The following SAMD3 variants were observed in gnomAD, a reference collection of about 807,000 sequenced individuals.
SAMD3 encodes sterile alpha motif domain-containing protein 3.
SAMD3 carries 63 observed loss-of-function variants against 58.5 expected under a neutral mutation model. The ratio of observed to expected loss-of-function variants is 1.08; its 90% confidence interval spans 0.88 to 1.33. The LOEUF (loss-of-function observed/expected upper bound fraction) is 1.33. Ranked by LOEUF, SAMD3 falls within the 40% of genes most tolerant of loss-of-function variation. The pLI is 0.00. For missense variants in SAMD3, 604 were observed against 608.4 expected (o/e 0.99, Z 0.08); for synonymous variants, 220 against 210.3 (o/e 1.05, Z -0.40).
chr6:130,354,577 A>G (rs1362706437), intron 1 of SAMD3, among the ~76,000 whole-genome samples: 1 of 152,198 alleles, frequency 6.6e-6, no homozygotes, highest in African/African-American at 2.4e-5. Context: ...GTAGTAACAG[A>G]AAACCAAATA....
At chr6:130,357,913 T>G (rs1335959201) in intron 1 of SAMD3, among the ~76,000 whole-genome samples, 2 of 152,184 alleles carry the variant, frequency 1.3e-5, no homozygotes, top group Non-Finnish European at 2.9e-5. Context: ...AATGAGGACA[T>G]TAACAGGAAG....
At chr6:130,187,531 ACCTAAT>A (rs1793118157) in intron 5 of SAMD3, among the ~76,000 whole-genome samples, 1 of 152,200 alleles carries the variant, frequency 6.6e-6, no homozygotes, top group Non-Finnish European at 1.5e-5. Context: ...AACCCATGCC[ACCTAAT>A]ACCAGTCAAA....
intron 2 of SAMD3, among the ~76,000 whole-genome samples, chr6:130,256,128 C>A: frequency 6.6e-6 from 1 of 150,416 alleles, no homozygotes. Flanking sequence ...ATCATGAGAA[C>A]AAGCAAAAGC....
chr6:130,302,457 G>A (rs2876095), intron 2 of SAMD3, among the ~76,000 whole-genome samples: 25,667 of 152,130 alleles, frequency 0.17, 2,425 homozygotes, highest in East Asian at 0.36. Flanking sequence ...GAAGAAAAGA[G>A]AACACTTACA....
At chr6:130,320,824 C>T (rs1050727107) in intron 1 of SAMD3, among the ~76,000 whole-genome samples, 1 of 152,216 alleles carries the variant, frequency 6.6e-6, no homozygotes, top group Non-Finnish European at 1.5e-5. Context: ...AGGTCCATGT[C>T]TACCTTCCAG....
chr6:130,326,533 A>G (rs1160901799), intron 1 of SAMD3, among the ~76,000 whole-genome samples: 2 of 152,062 alleles, frequency 1.3e-5, no homozygotes, highest in Admixed American at 1.3e-4. Flanking sequence ...ATCACATTCT[A>G]TTTTACTGTT....
At chr6:130,221,222 C>T (rs1371031599) in intron 1 of SAMD3, among the ~76,000 whole-genome samples, 1 of 152,080 alleles carries the variant, frequency 6.6e-6, no homozygotes, top group Non-Finnish European at 1.5e-5. Context: ...GATAATGCCT[C>T]ATAACACCTA....
chr6:130,165,091 TAAAC>T (rs1790610250), intron 8 of SAMD3, among the ~76,000 whole-genome samples: 1 of 152,094 alleles, frequency 6.6e-6, no homozygotes, highest in Admixed American at 6.5e-5. Context: ...AGAAAGATGA[TAAAC>T]AAGGAACTAA....
In SAMD3 at chr6:130,310,173, G is replaced by T. The variant is rs938485046; in HGVS notation, c.-188+2805C>A. ...CTGGCATGCCTATCCATTTGAAACA[G>T]AATCCGTTTCAACTGTTTCAAAGAA... On this transcript the variant is annotated intron_variant, in intron 2 of 13. Coordinates refer to the SAMD3 transcript ENST00000368134. Among the ~76,000 whole-genome samples, 5 of 152,260 alleles carry T rather than the reference G, an allele frequency of 3.3e-5. No individual in the cohort carries two copies. The East Asian group carries it at 9.6e-4, about 29-fold the overall frequency.
rs537995361 is a variant in SAMD3, at chr6:130,284,069, T to C, written c.-188+28909A>G. Among the ~76,000 whole-genome samples the C allele has an allele frequency of 1.4e-4, 22 of 152,336 alleles. No individual in the cohort carries two copies. The South Asian group carries it at 4.1e-3, about 29-fold the overall frequency. ...GGTTTTACCATGTTGGCCAGGCTGG[T>C]CTTGAACTCCTGACTTCAAGTGATT... On this transcript the variant is annotated intron_variant, in intron 2 of 13. Coordinates refer to the SAMD3 transcript ENST00000368134.
chr6:130,227,582 G>A (rs1370046973), upstream of SAMD3, among the ~76,000 whole-genome samples: 13 of 152,254 alleles, frequency 8.5e-5, no homozygotes, highest in East Asian at 1.9e-4. Context: ...GAGGCCAGGA[G>A]TTCAAGGCCA....
chr6:130,162,063 T>A, intron 8 of SAMD3: 2 of 510,182 alleles, frequency 3.9e-6, no homozygotes, highest in Non-Finnish European at 6.9e-6. Flanking sequence ...ATGTGTGACT[T>A]TAGAGGAATC....
At chr6:130,179,940 G>T (rs911085085) in intron 7 of SAMD3, among the ~76,000 whole-genome samples, 1 of 150,820 alleles carries the variant, frequency 6.6e-6, no homozygotes, top group Non-Finnish European at 1.5e-5. Flanking sequence ...TCAGCCTCCC[G>T]TGTAGCTGGG....
chr6:130,346,325 A>G (rs1468589312), intron 1 of SAMD3, among the ~76,000 whole-genome samples: 1 of 152,180 alleles, frequency 6.6e-6, no homozygotes, highest in African/African-American at 2.4e-5. Flanking sequence ...TTCCTAGTCA[A>G]AGAAAAGGGT....
chr6:130,192,811 G>A (rs997978134), intron 5 of SAMD3, among the ~76,000 whole-genome samples: 6 of 152,106 alleles, frequency 3.9e-5, no homozygotes, highest in African/African-American at 1.4e-4. Context: ...ACGACCTCAG[G>A]TCTTCAGACC....
intron 1 of SAMD3, among the ~76,000 whole-genome samples, chr6:130,349,705 C>T (rs1777591857): frequency 6.6e-6 from 1 of 152,200 alleles, no homozygotes; most frequent in South Asian, 2.1e-4. Context: ...AGGGAATCCT[C>T]CCTAACTCAT....
intron 2 of SAMD3, chr6:130,215,799 C>A: frequency 6.5e-7 from 1 of 1,534,460 alleles, no homozygotes; most frequent in Non-Finnish European, 8.7e-7. Context: ...TGGTTAACCC[C>A]TTGCTTCTCC....
In SAMD3 at chr6:130,215,664, C is replaced by A. The variant is rs996165869; in HGVS notation, c.-21-370G>T. ...AAAGAAAAGAAAGGTGTGAAATTCA[C>A]CACTACCAGGCTCCTCAGGAAGTGG... On this transcript the variant is annotated intron_variant, in intron 2 of 11. Transcript: ENST00000439090. 4.3e-6 allele frequency: 6 copies of A among 1,406,852 alleles called. No homozygotes were observed. In the East Asian group the frequency reaches 1.5e-4, roughly 36 times the overall value. 87.1% of individuals were successfully genotyped at this position (1,406,852 alleles called of 1,614,324 possible). A position where few individuals can be genotyped will look rare whatever the true frequency, so the allele number is the denominator to read the frequency against.
chr6:130,342,962 C>G (rs1777318459), intron 1 of SAMD3, among the ~76,000 whole-genome samples: 1 of 152,068 alleles, frequency 6.6e-6, no homozygotes, highest in East Asian at 1.9e-4. Context: ...AGGAACAAGA[C>G]TTTTCTAAAA....
Sources: gnomAD v4.1 joint callset for allele counts (sites outside exome capture counted in the v4.1 genomes callset) on GRCh38, gnomAD v4.1.1 for gene constraint, MANE v1.5 for transcripts, NCBI Gene and HGNC (gene_info 2026-07-23, HGNC 2026-07-21) for gene names.